Variants in VIP observed in about 807,000 individuals in gnomAD.
The protein encoded by VIP is VIP peptides.
VIP carries 18 observed loss-of-function variants against 20.1 expected under a neutral mutation model. The observed-to-expected ratio is 0.90, with a 90% CI of 0.62 to 1.33. VIP has a LOEUF of 1.33. VIP is among the 40% of genes most tolerant of loss of function. The pLI is 0.00. For missense variants in VIP, 209 were observed against 199.4 expected, an observed-to-expected ratio of 1.05 and a Z score of -0.29; for synonymous variants, 70 against 68.1, an observed-to-expected ratio of 1.03 and a Z score of -0.14.
At chr6:152,753,999 T>C (rs1045042376) in intron 2 of VIP, among the ~76,000 whole-genome samples, 167 bp from the exon 3 acceptor site, 3 of 152,078 alleles carry the variant, frequency 2.0e-5, no homozygotes, top group African/African-American at 7.2e-5. Flanking sequence ...TTCCTATTTA[T>C]ACTCTCATTA....
In VIP at chr6:152,754,199, T is replaced by G. The variant is rs1278490969; in HGVS notation, c.141T>G (p.Asn47Lys). The G allele has an allele frequency of 6.2e-7, 1 of 1,611,636 alleles. No individual in the cohort carries two copies. The highest frequency in any genetic ancestry group is 2.2e-5 in the East Asian group (1 of 44,766). The change falls in exon 3 of 7, where the codon AAT becomes AAG. Residue 47 changes from asparagine to lysine, a missense_variant. Physicochemically the swap from Asn to Lys is moderately conservative, Grantham distance 94 (BLOSUM62 0). Transcript: ENST00000367244. ...ACAGAATACCCTTTGAGGGAGCAAA[T>G]GAACCTGATCAAGTTTCATTAAAAG... ...LGDRIPFEGA[N>K]EPDQVSLKED... is the part of the protein sequence containing the mutation.
intron 6 of VIP, 34 bp downstream of exon 6, chr6:152,757,218 A>G (rs967593830): frequency 3.6e-6 from 5 of 1,399,404 alleles, no homozygotes; most frequent in Non-Finnish European, 5.0e-6. Flanking sequence ...CTGTATTCTT[A>G]TGGCTGTCTC....
intron 2 of VIP, among the ~76,000 whole-genome samples, chr6:152,753,437 A>G (rs1326344939): frequency 1.3e-5 from 2 of 152,108 alleles, no homozygotes; most frequent in African/African-American, 4.8e-5. Context: ...GCATCCATAA[A>G]TATAGTCATA....
Position 152,755,819 on chromosome 6 carries a change from T to TA in VIP, c.336-315_336-314insA, listed in dbSNP as rs1565405501. 1.6e-3 allele frequency among the ~76,000 whole-genome samples: 242 copies of TA among 151,326 alleles called. 1 individual carries two copies. Among genetic ancestry groups the TA allele is most frequent in the African/African-American group, 5.5e-3 (228 of 41,180 alleles). The stretch of plus-strand genomic sequence containing the variant: ...TTCTAAAGAAGTAATTATGTTTTTT[T>TA]TAAAAAAAAAAAAAATTTCTCCCAA... On this transcript the variant is annotated intron_variant, in intron 4 of 6. Coordinates refer to ENST00000367244, the MANE Select transcript of VIP (RefSeq NM_003381.4).
chr6:152,754,774 G>A (rs2099730161), intron 3 of VIP, among the ~76,000 whole-genome samples: 1 of 151,742 alleles, frequency 6.6e-6, no homozygotes, highest in Non-Finnish European at 1.5e-5. Context: ...GGGATGATAG[G>A]CCTTAATGCC....
chr6:152,756,318 T>C, intron 5 of VIP, 53 bp downstream of exon 5: 2 of 1,567,718 alleles, frequency 1.3e-6, no homozygotes, highest in East Asian at 2.3e-5. Context: ...ACTTTCAAAA[T>C]AGAAGCTGCA....
intron 6 of VIP, 28 bp from the exon 7 acceptor site, chr6:152,758,882 C>A (rs990896432): frequency 2.6e-5 from 4 of 151,962 alleles, no homozygotes; most frequent in Non-Finnish European, 2.9e-5. Flanking sequence ...ATATTTTATG[C>A]CTAAAGCAAC....
intron 5 of VIP, 63 bp from the exon 6 acceptor site, chr6:152,757,033 A>C: frequency 6.6e-7 from 1 of 1,508,010 alleles, no homozygotes; most frequent in Non-Finnish European, 9.2e-7. Flanking sequence ...ATGTCATAAT[A>C]GTTTCTTTAG....
intron 1 of VIP, among the ~76,000 whole-genome samples, chr6:152,751,948 G>T (rs745936691): frequency 6.6e-6 from 1 of 152,256 alleles, no homozygotes; most frequent in East Asian, 1.9e-4. Flanking sequence ...CATGTGCCCA[G>T]ACAGCAGGTG....
In VIP at chr6:152,756,128, CCTTAGCAG is replaced by C; in HGVS notation, c.336-5_338del. On this transcript the variant is annotated splice_acceptor_variant and splice_polypyrimidine_tract_variant and coding_sequence_variant and intron_variant, in exon 5 of 7. Transcript: ENST00000367244. LOFTEE classifies it high-confidence loss of function. The stretch of plus-strand genomic sequence containing the variant: ...TCTTTGATTTCCTTTTCCTCATGTT[CCTTAGCAG>C]TAACATCTCAGAAGACCCTGTACCA... 6.5e-7 allele frequency: 1 copy of C among 1,547,396 alleles called. No homozygotes were observed. Among genetic ancestry groups the C allele is most frequent in the Non-Finnish European group, 8.7e-7 (1 of 1,148,808 alleles).
chr6:152,753,591 C>T (rs1279334660), intron 2 of VIP, among the ~76,000 whole-genome samples: 1 of 151,982 alleles, frequency 6.6e-6, no homozygotes, highest in Non-Finnish European at 1.5e-5. Context: ...GATGAGCTAT[C>T]CATCTATGGA....
At chr6:152,758,718 G>T (rs2099730783) in intron 6 of VIP, among the ~76,000 whole-genome samples, 192 bp from the exon 7 acceptor site, 1 of 151,958 alleles carries the variant, frequency 6.6e-6, no homozygotes, top group African/African-American at 2.4e-5. Context: ...TCACATTCCA[G>T]TTCCTCTCTG....
At chr6:152,756,490 C>G (rs568439920) in intron 5 of VIP, among the ~76,000 whole-genome samples, 1 of 151,882 alleles carries the variant, frequency 6.6e-6, no homozygotes, top group Non-Finnish European at 1.5e-5. Flanking sequence ...TGGTGTGGCC[C>G]TAGACATACA....
chr6:152,757,222 C>A, intron 6 of VIP, 38 bp downstream of exon 6: 1 of 1,372,102 alleles, frequency 7.3e-7, no homozygotes, highest in Non-Finnish European at 1.0e-6. Context: ...ATTCTTATGG[C>A]TGTCTCTGAT....
intron 3 of VIP, 99 bp from the exon 4 acceptor site, chr6:152,755,170 C>A: frequency 3.0e-6 from 2 of 676,754 alleles, no homozygotes; most frequent in Non-Finnish European, 2.3e-6. Context: ...GAGAAGCTTT[C>A]ATAATAAGCC....
At chr6:152,752,488 C>T (rs543152438) in intron 2 of VIP, among the ~76,000 whole-genome samples, 1 of 152,062 alleles carries the variant, frequency 6.6e-6, no homozygotes, top group African/African-American at 2.4e-5. Flanking sequence ...GAGACACTGT[C>T]AGTTATTAGT....
At position 152,756,406 on chromosome 6, in the gene VIP, ACCCC is replaced by A; in HGVS notation, c.467+142_467+145del. Reference sequence around the variant, plus strand: ...TTTCAACCTTGGCTGACATTAGACTACCCCGCAGAACTTTAAAAATACAGATGTC... The same window carrying A: ...TTTCAACCTTGGCTGACATTAGACTAGCAGAACTTTAAAAATACAGATGTC... On this transcript the variant is annotated intron_variant, in intron 5 of 6. Transcript: ENST00000367244. 3 of 946,308 alleles carry A rather than the reference ACCCC, an allele frequency of 3.2e-6. No individual in the cohort carries two copies. In the South Asian group the frequency reaches 6.9e-5, roughly 22 times the overall value. The allele number at this position is 946,308 out of a possible 1,614,324, so 58.6% of individuals were successfully genotyped here. A position where few individuals can be genotyped will look rare whatever the true frequency, so the allele number is the denominator to read the frequency against.
chr6:152,754,356 G>A (rs150164618), intron 3 of VIP, 68 bp downstream of exon 3: 245 of 1,447,312 alleles, frequency 1.7e-4, no homozygotes, highest in Non-Finnish European at 1.6e-4. Context: ...AACTATAAAC[G>A]TGCTTATTTT....
rs2099730871 is a variant in VIP at position 152,759,244 on chromosome 6, T to G, written c.*378T>G. 6.6e-6 allele frequency: 1 copy of G among 151,976 alleles called. No individual in the cohort carries two copies. Among genetic ancestry groups the G allele is most frequent in the Non-Finnish European group, 1.5e-5 (1 of 67,954 alleles). The allele number at this position is 151,976 out of a possible 1,614,324, so 9.4% of individuals were successfully genotyped here. On this transcript the variant is annotated 3_prime_UTR_variant, in exon 7 of 7. Coordinates refer to ENST00000367244, the MANE Select transcript of VIP (RefSeq NM_003381.4). ...AATAGAGCAAAATTGATGTGTTTATTTATAGAGTGTACTTAACTATTCAGG... is the reference window on the plus strand; with the variant it reads ...AATAGAGCAAAATTGATGTGTTTATGTATAGAGTGTACTTAACTATTCAGG...
Sources: allele counts gnomAD v4.1 joint callset (sites outside exome capture counted in the v4.1 genomes callset), GRCh38; gene constraint gnomAD v4.1.1; transcripts MANE v1.5; gene names NCBI Gene and HGNC (gene_info 2026-07-23, HGNC 2026-07-21).